The following ADD1 variants were observed in gnomAD, a reference collection of about 807,000 sequenced individuals.
ADD1 encodes the protein alpha-adducin.
A neutral mutation model predicts 80.5 loss-of-function variants in ADD1; 24 were observed. The observed-to-expected ratio is 0.30, with a 90% confidence interval of 0.22 to 0.42. The LOEUF (loss-of-function observed/expected upper bound fraction) is 0.42, where lower values mean the gene tolerates loss of function less well. Ranked by LOEUF, ADD1 falls within the 10% of genes least tolerant of loss-of-function variation. ADD1 has a pLI of 1.00. For synonymous variants in ADD1, 373 were observed against 393.8 expected (o/e 0.95, Z 0.63); for missense variants, 948 against 1,019.0 (o/e 0.93, Z 0.95).
intron 10 of ADD1, 132 bp downstream of exon 10, chr4:2,905,240 G>T: frequency 2.5e-6 from 2 of 788,974 alleles, no homozygotes; most frequent in Non-Finnish European, 4.0e-6. Context: ...CTTTCTTGTA[G>T]TCTGAACCTA....
intron 2 of ADD1, among the ~76,000 whole-genome samples, chr4:2,880,463 CTTTTTTTTTTTT>C (rs1167878841): frequency 9.0e-4 from 57 of 63,168 alleles, no homozygotes; most frequent in African/African-American, 2.6e-3. Context: ...TTCTTTCTTT[CTTTTTTTTTTTT>C]TTTTTTTTTT....
Position 2,921,202 on chromosome 4 carries a change from A to G in ADD1, c.1949-4812A>G, listed in dbSNP as rs887097815. Reference sequence around the variant, plus strand: ...GAGTGCAGTGGCGTGATCTCGGCTCACTGCAAGCTCCGCCTCCAGGGTTCA... The same window carrying G: ...GAGTGCAGTGGCGTGATCTCGGCTCGCTGCAAGCTCCGCCTCCAGGGTTCA... On this transcript the variant is annotated intron_variant, in intron 14 of 15. Transcript: ENST00000683351. Among the ~76,000 whole-genome samples, 145 of 151,874 alleles carry G rather than the reference A, an allele frequency of 9.5e-4. 2 individuals are homozygous for G. Among genetic ancestry groups the G allele is most frequent in the Admixed American group, 2.0e-4 (3 of 15,244 alleles).
At chr4:2,847,498 G>C (rs1279004865) in intron 1 of ADD1, among the ~76,000 whole-genome samples, 3 of 151,748 alleles carry the variant, frequency 2.0e-5, no homozygotes, top group Non-Finnish European at 2.9e-5. Context: ...CAAACATTTT[G>C]GTTCTACTTG....
At chr4:2,866,469 C>T (rs1560157179) in intron 1 of ADD1, among the ~76,000 whole-genome samples, 1 of 151,080 alleles carries the variant, frequency 6.6e-6, no homozygotes, top group Non-Finnish European at 1.5e-5. Context: ...AGCCTCTGTG[C>T]CTGGCCTGGA....
In ADD1 at chr4:2,875,984, G is replaced by A. The variant is rs1171127579; in HGVS notation, c.69G>A (p.Arg23=). The A allele has an allele frequency of 2.5e-5, 41 of 1,614,108 alleles. No homozygotes were observed. Among genetic ancestry groups the A allele is most frequent in the Non-Finnish European group, 3.2e-5 (38 of 1,179,976 alleles). ...CGACCACAGCCCCTCACAAGGAGAG[G>A]TACTTCGACCGAGTAGATGAGAACA... ...PPPTTAPHKE[R]YFDRVDENNP... is the part of the protein sequence containing the mutation. Residue 23 remains arginine (R), a synonymous_variant, in exon 2 of 16, where the codon AGG becomes AGA. Transcript: ENST00000683351.
chr4:2,880,598 C>T (rs1053332982), intron 2 of ADD1, among the ~76,000 whole-genome samples: 3 of 151,176 alleles, frequency 2.0e-5, no homozygotes, highest in African/African-American at 7.3e-5. Context: ...GCCTCAGCCT[C>T]CCGAGTAGCT....
rs1712576068 is a variant in ADD1, at chr4:2,929,215, AG to A, written c.*694del. The A allele has an allele frequency of 6.6e-6, 1 of 152,204 alleles. No homozygotes were observed. Among genetic ancestry groups the A allele is most frequent in the African/African-American group, 2.4e-5 (1 of 41,442 alleles). 9.4% of individuals were successfully genotyped at this position (152,204 alleles called of 1,614,324 possible). A position where few individuals can be genotyped will look rare whatever the true frequency, so the allele number is the denominator to read the frequency against. On this transcript the variant is annotated 3_prime_UTR_variant, in exon 16 of 16. Transcript: ENST00000683351. ...GGTCTCTGGATTCCTGTCATAGGGA[AG>A]GTATATCAGGAGGGGAAGAGGCCTT...
rs1737603488 is a variant in ADD1, at chr4:2,909,326, T to G, written c.1699-13T>G. On this transcript the variant is annotated splice_polypyrimidine_tract_variant and intron_variant, in intron 12 of 15. Transcript: ENST00000683351. Reference sequence around the variant, plus strand: ...GGCCTGGTGTGCTCTGGTGACTCAGTTTACTGTTTCAGGATGCACCTCTCT... The same window carrying G: ...GGCCTGGTGTGCTCTGGTGACTCAGGTTACTGTTTCAGGATGCACCTCTCT... 1 of 1,547,914 alleles carries G rather than the reference T, an allele frequency of 6.5e-7. No homozygotes were observed. Among genetic ancestry groups the G allele is most frequent in the African/African-American group, 1.4e-5 (1 of 72,970 alleles).
At chr4:2,861,831 C>A (rs1379593292) in intron 1 of ADD1, among the ~76,000 whole-genome samples, 1 of 152,184 alleles carries the variant, frequency 6.6e-6, no homozygotes, top group Non-Finnish European at 1.5e-5. Context: ...CAGTGTGATC[C>A]TTTAAGGCAA....
Position 2,875,892 on chromosome 4 carries a change from G to A in ADD1, c.-20-4G>A. The A allele has an allele frequency of 6.4e-7, 1 of 1,560,394 alleles. No homozygotes were observed. The highest frequency in any genetic ancestry group is 1.2e-5 in the South Asian group (1 of 82,818). On this transcript the variant is annotated splice_polypyrimidine_tract_variant and splice_region_variant and intron_variant, in intron 1 of 15. Coordinates refer to ENST00000683351, the MANE Select transcript of ADD1 (RefSeq NM_001354761.2). ...CAATAATTTCTTTTATTTTGATTCT[G>A]TAGGAACCTAGAAAGATTGTACAAT...
chr4:2,883,925 C>T (rs1484012049), intron 3 of ADD1, among the ~76,000 whole-genome samples: 3 of 152,226 alleles, frequency 2.0e-5, no homozygotes, highest in Non-Finnish European at 4.4e-5. Context: ...CCCGCCTCGG[C>T]CTCCCAAAGT....
intron 4 of ADD1, among the ~76,000 whole-genome samples, chr4:2,890,430 C>T (rs1487764551): frequency 2.6e-5 from 4 of 152,110 alleles, no homozygotes; most frequent in South Asian, 2.1e-4. Flanking sequence ...TTGTTTGAGA[C>T]AGAGTCTCAC....
intron 1 of ADD1, among the ~76,000 whole-genome samples, chr4:2,872,532 T>C (rs938019894): frequency 1.3e-5 from 2 of 152,242 alleles, no homozygotes; most frequent in African/African-American, 2.4e-5. Context: ...TTACATGATA[T>C]TGTATTGAGC....
chr4:2,906,988 A>G (rs1262850854), intron 10 of ADD1, among the ~76,000 whole-genome samples: 1 of 152,152 alleles, frequency 6.6e-6, no homozygotes, highest in Non-Finnish European at 1.5e-5. Context: ...AAAATCTCAG[A>G]TTTGATTGGA....
At chr4:2,920,819 C>T (rs1488300312) in intron 14 of ADD1, among the ~76,000 whole-genome samples, 3 of 152,142 alleles carry the variant, frequency 2.0e-5, no homozygotes, top group African/African-American at 4.8e-5. Context: ...TTAATTGGGG[C>T]ATTTTGCCCA....
intron 1 of ADD1, among the ~76,000 whole-genome samples, chr4:2,863,219 AT>A (rs34312305): frequency 3.7e-3 from 460 of 123,742 alleles, no homozygotes; most frequent in Middle Eastern, 8.2e-3. Context: ...CTAATTTTTA[AT>A]TTTTTTTTTT....
chr4:2,859,030 C>T (rs1171327713), intron 1 of ADD1, among the ~76,000 whole-genome samples: 1 of 152,218 alleles, frequency 6.6e-6, no homozygotes, highest in Middle Eastern at 3.4e-3. Context: ...AAAGTCAAAA[C>T]CTGCATCATT....
intron 14 of ADD1, among the ~76,000 whole-genome samples, chr4:2,925,262 A>C (rs952380823): frequency 1.3e-5 from 2 of 152,096 alleles, no homozygotes; most frequent in African/African-American, 4.8e-5. Flanking sequence ...GTACTTGGGG[A>C]GGCGAGCCAG....
At chr4:2,917,972 G>T (rs923618358) in intron 14 of ADD1, among the ~76,000 whole-genome samples, 1 of 152,148 alleles carries the variant, frequency 6.6e-6, no homozygotes, top group Admixed American at 6.5e-5. Context: ...CTACAGCTTT[G>T]TTCTTTTTGC....
Sources: gnomAD v4.1 joint callset for allele counts (sites outside exome capture counted in the v4.1 genomes callset) on GRCh38, gnomAD v4.1.1 for gene constraint, MANE v1.5 for transcripts, NCBI Gene and HGNC (gene_info 2026-07-23, HGNC 2026-07-21) for gene names.